The following STARD9 variants were observed in gnomAD, a reference collection of about 807,000 sequenced individuals.
STARD9 encodes stAR-related lipid transfer protein 9.
STARD9 carries 346 observed loss-of-function variants against 399.8 expected under a neutral mutation model. The observed-to-expected ratio is 0.87, with a 90% CI of 0.79 to 0.95. STARD9 has a LOEUF of 0.95. STARD9 is among the 40% of genes least tolerant of loss of function. STARD9 has a pLI of 0.00. For missense variants in STARD9, 5,832 were observed against 5,667.5 expected, an observed-to-expected ratio of 1.03 and a Z score of -0.93; for synonymous variants, 2,203 against 2,143.5, an observed-to-expected ratio of 1.03 and a Z score of -0.77.
chr15:42,696,109 A>T (rs1239851847), intron 26 of STARD9, among the ~76,000 whole-genome samples: 5 of 152,212 alleles, frequency 3.3e-5, no homozygotes, highest in Admixed American at 3.3e-4. Context: ...TTATTTTAGG[A>T]TACAGCGGTG....
At chr15:42,698,645 A>T (rs2060895916) in intron 26 of STARD9, among the ~76,000 whole-genome samples, 1 of 152,198 alleles carries the variant, frequency 6.6e-6, no homozygotes, top group Admixed American at 6.5e-5. Flanking sequence ...GCAAGCAGAT[A>T]TATTTGTCCG....
chr15:42,584,074 G>GTTTC (rs1430580960), intron 2 of STARD9, among the ~76,000 whole-genome samples: 2 of 151,944 alleles, frequency 1.3e-5, no homozygotes, highest in African/African-American at 2.4e-5. Context: ...AGACGGAGGG[G>GTTTC]TTTCTTTCTT....
intron 14 of STARD9, 26 bp downstream of exon 14, chr15:42,665,356 G>T (rs113850597): frequency 6.6e-7 from 1 of 1,519,332 alleles, no homozygotes; most frequent in Admixed American, 2.0e-5. Flanking sequence ...GAACCTTTCC[G>T]TACTTAAGTG....
At position 42,687,578 on chromosome 15, in the gene STARD9, G is replaced by A; in HGVS notation, c.6000G>A (p.Lys2000=). The change falls in exon 23 of 33, where the codon AAG becomes AAA. Residue 2000 remains lysine, a synonymous_variant. Transcript: ENST00000290607. The stretch of plus-strand genomic sequence containing the variant: ...AAGAGTTTAAGCTTCCAGGTACAAA[G>A]CCTGCATATGAAAGGTTCCAGTTAG... The part of the protein sequence containing the change: ...SSEEFKLPGT[K]PAYERFQLVA... The A allele has an allele frequency of 1.3e-6, 2 of 1,537,052 alleles. No homozygotes were observed. The highest frequency in any genetic ancestry group is 2.0e-5 in the Admixed American group (1 of 51,002).
intron 4 of STARD9, among the ~76,000 whole-genome samples, chr15:42,635,185 G>C (rs889242908): frequency 6.6e-6 from 1 of 151,514 alleles, no homozygotes; most frequent in African/African-American, 2.4e-5. Context: ...GTGGGAACCC[G>C]GGAGGCGGAG....
chr15:42,615,252 C>T (rs117928557), intron 3 of STARD9, among the ~76,000 whole-genome samples: 1 of 152,052 alleles, frequency 6.6e-6, no homozygotes, highest in South Asian at 2.1e-4. Flanking sequence ...TCAAGTGATC[C>T]GATGCCTCCG....
At position 42,688,022 on chromosome 15, in the gene STARD9, C is replaced by T; in HGVS notation, c.6444C>T (p.Thr2148=). The change falls in exon 23 of 33, where the codon ACC becomes ACT. Residue 2148 remains threonine, a synonymous_variant. Coordinates refer to ENST00000290607, the MANE Select transcript of STARD9 (RefSeq NM_020759.3). Reference sequence around the variant, plus strand: ...ACCATCCCCAGGTCCAGAAAATCACCCCAAACCCCTTCAGGTCAAGGGAAG... The same window carrying T: ...ACCATCCCCAGGTCCAGAAAATCACTCCAAACCCCTTCAGGTCAAGGGAAG... ...IGNHPQVQKI[T]PNPFRSREGV... The T allele has an allele frequency of 1.3e-6, 2 of 1,537,494 alleles. No individual in the cohort carries two copies. Among genetic ancestry groups the T allele is most frequent in the Non-Finnish European group, 1.7e-6 (2 of 1,146,972 alleles).
Position 42,686,220 on chromosome 15 carries a change from C to A in STARD9, c.4642C>A (p.Pro1548Thr), listed in dbSNP as rs1390595554. 2 of 1,537,680 alleles carry A rather than the reference C, an allele frequency of 1.3e-6. No homozygotes were observed. Among genetic ancestry groups the A allele is most frequent in the Non-Finnish European group, 1.7e-6 (2 of 1,147,008 alleles). The stretch of plus-strand genomic sequence containing the variant: ...TAGCAATCTGAATCTCAACAACTTT[C>A]CAGTCCATCTGTCCAGAATCAGGCG... Reference protein sequence around the residue: ...VSSNLNLNNFPVHLSRIRRLR... With the variant: ...VSSNLNLNNFTVHLSRIRRLR... Residue 1548 changes from proline (P) to threonine (T), a missense_variant, in exon 23 of 33, where the codon CCA (proline) becomes ACA (threonine). Pro to Thr is a conservative substitution (Grantham distance 38). Around this residue, in one of 2 missense-constraint regions of STARD9, gnomAD observed 5,828 missense variants for 5,651.1 expected, o/e 1.03. Coordinates refer to ENST00000290607, the MANE Select transcript of STARD9 (RefSeq NM_020759.3).
intron 9 of STARD9, among the ~76,000 whole-genome samples, chr15:42,653,639 TAAG>T (rs2059808014): frequency 4.0e-5 from 6 of 151,842 alleles, no homozygotes; most frequent in African/African-American, 1.2e-4. Flanking sequence ...AAACTGGCAA[TAAG>T]AACATTCCCA....
In STARD9 at chr15:42,691,119, T is replaced by C; in HGVS notation, c.9541T>C (p.Leu3181=). The C allele has an allele frequency of 6.5e-7, 1 of 1,537,196 alleles. No individual in the cohort carries two copies. Among genetic ancestry groups the C allele is most frequent in the Non-Finnish European group, 8.7e-7 (1 of 1,146,866 alleles). Residue 3181 remains leucine (L), a synonymous_variant, in exon 23 of 33, where the codon TTG becomes CTG. Transcript: ENST00000290607. The stretch of plus-strand genomic sequence containing the variant: ...GGAAAAGCCACAATTTTCCACTGAG[T>C]TGAGGGATCACAATCGCTTGGATTC... ...FLEKPQFSTE[L]RDHNRLDSQA... is the part of the protein sequence containing the mutation.
chr15:42,718,602 G>A, intron 31 of STARD9, 88 bp downstream of exon 31: 1 of 1,442,060 alleles, frequency 6.9e-7, no homozygotes. Context: ...AGGTCCTCTA[G>A]GGGAAGGAGG....
At chr15:42,713,998 T>C (rs552739055) in intron 26 of STARD9, among the ~76,000 whole-genome samples, 1 of 152,284 alleles carries the variant, frequency 6.6e-6, no homozygotes, top group South Asian at 2.1e-4. Flanking sequence ...GAAGCTATCT[T>C]GAAATTTTCT....
At position 42,652,517 on chromosome 15, in the gene STARD9, C is replaced by A; in HGVS notation, c.630-3C>A. 1 of 1,537,302 alleles carries A rather than the reference C, an allele frequency of 6.5e-7. No individual in the cohort carries two copies. On this transcript the variant is annotated splice_polypyrimidine_tract_variant and splice_region_variant and intron_variant, in intron 8 of 32. Transcript: ENST00000290607. ...TCCTAACAGTTTTTCCTTGTATACA[C>A]AGAATCACAGCAGCCACCCATGTTC... is the stretch of plus-strand genomic sequence containing the variant.
At position 42,688,919 on chromosome 15, in the gene STARD9, G is replaced by A. The variant is rs1404350419; in HGVS notation, c.7341G>A (p.Lys2447=). ...GCACCAGCCCCCAAGACCATGGAAA[G>A]GACCTCAGAATCACCTTGCTGGGTT... ...SASTSPQDHG[K]DLRITLLGFS... The change falls in exon 23 of 33, where the codon AAG becomes AAA. Residue 2447 remains lysine (K), a synonymous_variant. Coordinates refer to ENST00000290607, the MANE Select transcript of STARD9 (RefSeq NM_020759.3). The A allele has an allele frequency of 1.0e-5, 16 of 1,537,400 alleles. No homozygotes were observed. Among genetic ancestry groups the A allele is most frequent in the Non-Finnish European group, 1.4e-5 (16 of 1,146,952 alleles).
intron 3 of STARD9, among the ~76,000 whole-genome samples, chr15:42,598,827 T>C (rs753191101): frequency 2.0e-5 from 3 of 152,256 alleles, no homozygotes; most frequent in Non-Finnish European, 4.4e-5. Context: ...CAGTACCGTT[T>C]ATTGAACACT....
chr15:42,665,186 A>G (rs1350152435), intron 13 of STARD9, 67 bp from the exon 14 acceptor site: 1 of 1,286,236 alleles, frequency 7.8e-7, no homozygotes, highest in Non-Finnish European at 1.1e-6. Context: ...AGCCAATTGC[A>G]ACTAGCATTT....
At chr15:42,654,500 C>T (rs759414589) in intron 9 of STARD9, among the ~76,000 whole-genome samples, 84 of 152,190 alleles carry the variant, frequency 5.5e-4, no homozygotes, top group African/African-American at 1.9e-3. Flanking sequence ...TGTTGCTGTT[C>T]GCTGACAACA....
chr15:42,617,933 T>A (rs184696803), intron 3 of STARD9, among the ~76,000 whole-genome samples: 6 of 152,114 alleles, frequency 3.9e-5, no homozygotes, highest in Non-Finnish European at 7.4e-5. Flanking sequence ...CTAATTTTTT[T>A]ATTTTTTGTA....
chr15:42,595,162 A>AG (rs2058478085), intron 3 of STARD9, among the ~76,000 whole-genome samples: 1 of 152,062 alleles, frequency 6.6e-6, no homozygotes, highest in African/African-American at 2.4e-5. Context: ...GGGACCTTTG[A>AG]GGGGCTAGAG....
Sources: gnomAD v4.1 joint callset for allele counts (sites outside exome capture counted in the v4.1 genomes callset) on GRCh38, gnomAD v4.1.1 for gene constraint, gnomAD v4.1.1 regional missense constraint, MANE v1.5 for transcripts, NCBI Gene and HGNC (gene_info 2026-07-23, HGNC 2026-07-21) for gene names.